The following CTNNA3 variants were observed in gnomAD, a reference collection of about 807,000 sequenced individuals.
CTNNA3 encodes catenin alpha 3, also known as catenin alpha-3.
CTNNA3 carries 76 observed loss-of-function variants against 95.7 expected under a neutral mutation model. The observed-to-expected ratio is 0.79, with a 90% CI of 0.66 to 0.96. The LOEUF is 0.96. Among genes scored for constraint, CTNNA3 ranks in the 40% least tolerant of loss-of-function variants. The probability of loss-of-function intolerance (pLI) is 0.00; values close to 1 mark genes in which losing one functional copy is unlikely to be tolerated. For synonymous variants in CTNNA3, 431 were observed against 374.4 expected, an observed-to-expected ratio of 1.15 and a Z score of -1.74; for missense variants, 1,191 against 1,089.8, an observed-to-expected ratio of 1.09 and a Z score of -1.31.
At chr10:67,482,064 T>C (rs1351023381) in intron 5 of CTNNA3, among the ~76,000 whole-genome samples, 3 of 152,246 alleles carry the variant, frequency 2.0e-5, no homozygotes, top group East Asian at 3.9e-4. Context: ...GTTGTAGATA[T>C]ACGGCTTTAT....
intron 5 of CTNNA3, among the ~76,000 whole-genome samples, chr10:67,425,795 G>A (rs774248733): frequency 6.6e-6 from 1 of 152,038 alleles, no homozygotes; most frequent in South Asian, 2.1e-4. Context: ...TAGAGAAGGG[G>A]GATGGAGAGA....
chr10:66,437,045 G>A (rs892956904), intron 11 of CTNNA3, among the ~76,000 whole-genome samples: 4 of 152,072 alleles, frequency 2.6e-5, no homozygotes, highest in African/African-American at 9.7e-5. Context: ...TAGGGTTTCT[G>A]CCAAGAGATC....
intron 17 of CTNNA3, among the ~76,000 whole-genome samples, chr10:65,924,760 T>A (rs1786926): frequency 0.15 from 22,889 of 151,968 alleles, 2,122 homozygotes; most frequent in South Asian, 0.23. Context: ...GGGTAATTTA[T>A]AAAGGAAAGA....
intron 15 of CTNNA3, among the ~76,000 whole-genome samples, chr10:66,046,025 G>A (rs150238058): frequency 4.0e-4 from 61 of 152,228 alleles, no homozygotes; most frequent in African/African-American, 1.4e-3. Flanking sequence ...AGAATGAAAG[G>A]GGTGAGTAAT....
chr10:67,214,607 T>A (rs1018629081), intron 6 of CTNNA3, among the ~76,000 whole-genome samples: 3 of 151,972 alleles, frequency 2.0e-5, no homozygotes, highest in Admixed American at 1.3e-4. Flanking sequence ...ATAATTTTTT[T>A]ATTTTTCTTT....
intron 7 of CTNNA3, among the ~76,000 whole-genome samples, chr10:67,148,390 C>T (rs1453026975): frequency 6.6e-6 from 1 of 152,228 alleles, no homozygotes; most frequent in East Asian, 1.9e-4. Context: ...AAGGCTGACT[C>T]TCTGTCACCA....
rs115482082 is a variant in CTNNA3, at chr10:67,219,921, A to T, written c.580-51T>A. 5,666 of 1,416,108 alleles carry T rather than the reference A, an allele frequency of 4.0e-3. 206 individuals carry two copies. The African/African-American group carries it at 0.073, about 18-fold the overall frequency. 87.7% of individuals were successfully genotyped at this position (1,416,108 alleles called of 1,614,324 possible). ...TATCTTACAATGGGTTATGGGAGAA[A>T]GACTTAAATTAAAAAGCTTCTTTTT... On this transcript the variant is annotated intron_variant, in intron 5 of 17. Coordinates refer to ENST00000433211, the MANE Select transcript of CTNNA3 (RefSeq NM_013266.4).
At chr10:66,122,462 A>G (rs1341364210) in intron 13 of CTNNA3, among the ~76,000 whole-genome samples, 4 of 152,202 alleles carry the variant, frequency 2.6e-5, no homozygotes, top group African/African-American at 9.7e-5. Flanking sequence ...GCAATTCATG[A>G]TGTATAACAA....
chr10:66,588,090 AGTGTGAAAGTGCAGGCAAT>A (rs1306145621), intron 10 of CTNNA3, among the ~76,000 whole-genome samples: 1 of 151,976 alleles, frequency 6.6e-6, no homozygotes, highest in Non-Finnish European at 1.5e-5. Context: ...TCCTTGCTGG[AGTGTGAAAGTGCAGGCAAT>A]GTGCATCCTG....
At chr10:66,538,911 T>A (rs1340946017) in intron 10 of CTNNA3, among the ~76,000 whole-genome samples, 15 of 152,184 alleles carry the variant, frequency 9.9e-5, no homozygotes, top group Non-Finnish European at 1.8e-4. Context: ...CCTAGCTTTA[T>A]TATTTTATGA....
Position 66,585,848 on chromosome 10 carries a change from T to C in CTNNA3, c.1374+35844A>G, listed in dbSNP as rs143160692. Among the ~76,000 whole-genome samples, 1,137 of 152,236 alleles carry C rather than the reference T, an allele frequency of 7.5e-3. 11 individuals are homozygous for C. Among genetic ancestry groups the C allele is most frequent in the African/African-American group, 0.026 (1,098 of 41,532 alleles). On this transcript the variant is annotated intron_variant, in intron 10 of 17. Coordinates refer to ENST00000433211, the MANE Select transcript of CTNNA3 (RefSeq NM_013266.4). ...AGAACAACTCAAATGTTTTTTATGT[T>C]TCCAGAATTGTTTTTATGGTTCCTT...
chr10:66,962,739 C>G (rs1413493870), intron 7 of CTNNA3, among the ~76,000 whole-genome samples: 1 of 151,968 alleles, frequency 6.6e-6, no homozygotes. Flanking sequence ...ATTCAAATGT[C>G]CCTTCAATAA....
intron 5 of CTNNA3, among the ~76,000 whole-genome samples, chr10:67,451,966 A>C (rs2132964762): frequency 6.6e-6 from 1 of 152,060 alleles, no homozygotes; most frequent in Non-Finnish European, 1.5e-5. Flanking sequence ...TGTTGTGATA[A>C]CTACATGCAA....
In CTNNA3 at chr10:66,103,262, A is replaced by T. The variant is rs1176254749; in HGVS notation, c.1885-13T>A. The stretch of plus-strand genomic sequence containing the variant: ...GTTCCTCTGGGGTCTATAAAAAGAA[A>T]GCAAAACATTGCTAGTGGGAATGTA... On this transcript the variant is annotated splice_polypyrimidine_tract_variant and intron_variant, in intron 13 of 17. Transcript: ENST00000433211. The T allele has an allele frequency of 6.3e-7, 1 of 1,599,814 alleles. No homozygotes were observed. The highest frequency in any genetic ancestry group is 2.2e-5 in the East Asian group (1 of 44,804).
At chr10:66,574,837 T>C (rs1842961766) in intron 10 of CTNNA3, among the ~76,000 whole-genome samples, 1 of 152,166 alleles carries the variant, frequency 6.6e-6, no homozygotes, top group Non-Finnish European at 1.5e-5. Context: ...AAGAGGATTC[T>C]TAGTCTACAT....
rs149090594 is a variant in CTNNA3 at position 67,180,497 on chromosome 10, G to C, written c.867C>G (p.Leu289=). ...GTCGTATTTCCTCCTCAGTTACTGT[G>C]AGTGGATTCAGGACAATTAAATTCT... ...ELENLIVLNP[L]TVTEEEIRPS... is the part of the protein sequence containing the mutation. Residue 289 remains leucine, a synonymous_variant, in exon 7 of 18, where the codon CTC becomes CTG. Transcript: ENST00000433211. 1.6e-5 allele frequency: 26 copies of C among 1,613,482 alleles called. No individual in the cohort carries two copies. The African/African-American group carries it at 2.9e-4, about 18-fold the overall frequency.
At chr10:67,319,796 T>A (rs1841228744) in intron 5 of CTNNA3, among the ~76,000 whole-genome samples, 2 of 146,538 alleles carry the variant, frequency 1.4e-5, no homozygotes, top group South Asian at 4.3e-4. Flanking sequence ...CTTTGGAGGC[T>A]AAGGCAGGAG....
intron 7 of CTNNA3, among the ~76,000 whole-genome samples, chr10:67,087,925 T>C (rs1857398842): frequency 6.6e-6 from 1 of 152,036 alleles, no homozygotes; most frequent in Non-Finnish European, 1.5e-5. Context: ...ATATAAGGCA[T>C]GGAGAAATAT....
At chr10:66,075,412 A>C (rs550227369) in intron 14 of CTNNA3, among the ~76,000 whole-genome samples, 1 of 151,900 alleles carries the variant, frequency 6.6e-6, no homozygotes, top group South Asian at 2.1e-4. Context: ...AATGATAATA[A>C]ATTTATAGGA....
Sources: allele counts gnomAD v4.1 joint callset (sites outside exome capture counted in the v4.1 genomes callset), GRCh38; gene constraint gnomAD v4.1.1; transcripts MANE v1.5; gene names NCBI Gene and HGNC (gene_info 2026-07-23, HGNC 2026-07-21).